Variants in ZBTB41 observed in about 807,000 individuals in gnomAD.
ZBTB41 encodes the protein zinc finger and BTB domain containing 41, also known as zinc finger and BTB domain-containing protein 41.
Under a neutral mutation model 87.6 loss-of-function variants are expected in ZBTB41, and 42 were observed. That is an observed-to-expected ratio of 0.48 (90% confidence interval 0.37 to 0.62). The LOEUF (loss-of-function observed/expected upper bound fraction) is 0.62, where lower values mean the gene tolerates loss of function less well. ZBTB41 is among the 20% of genes least tolerant of loss of function. The pLI, the probability that ZBTB41 is intolerant of heterozygous loss-of-function variation, is 0.00. For missense variants in ZBTB41, 799 were observed against 1,078.9 expected (o/e 0.74, Z 3.63); for synonymous variants, 364 against 364.0 (o/e 1.00, Z 0.00).
intron 9 of ZBTB41, among the ~76,000 whole-genome samples, chr1:197,174,723 T>C (rs948629086): frequency 6.6e-6 from 1 of 152,084 alleles, no homozygotes; most frequent in Non-Finnish European, 1.5e-5. Flanking sequence ...AAGTATAATA[T>C]ATAGGCAGTA....
At chr1:197,180,105 C>A (rs1186097582) in intron 6 of ZBTB41, among the ~76,000 whole-genome samples, 1 of 152,108 alleles carries the variant, frequency 6.6e-6, no homozygotes, top group Non-Finnish European at 1.5e-5. Context: ...CCTACACAAA[C>A]ACATATATTC....
intron 10 of ZBTB41, among the ~76,000 whole-genome samples, chr1:197,168,656 A>G (rs1186817126): frequency 6.6e-6 from 1 of 152,114 alleles, no homozygotes; most frequent in Non-Finnish European, 1.5e-5. Flanking sequence ...GTTAAAATAA[A>G]TCTTCTAGAA....
In ZBTB41 at chr1:197,159,360, C is replaced by A; in HGVS notation, c.2729G>T (p.Ter910LeuextTer22). Residue 910 changes from the stop codon to leucine, a stop_lost, in exon 11 of 11, where the codon TGA (stop) becomes TTA (leucine). Coordinates refer to ENST00000367405, the MANE Select transcript of ZBTB41 (RefSeq NM_194314.3). Reference protein sequence around the residue: ...QNISTNEHHS* With the variant: ...QNISTNEHHSL The stretch of plus-strand genomic sequence containing the variant: ...AATCTGTGGAATGTTTAGATTTACT[C>A]ATGAATGATGCTCATTCGTAGAAAT... The A allele has an allele frequency of 6.2e-7, 1 of 1,612,808 alleles. No individual in the cohort carries two copies. Among genetic ancestry groups the A allele is most frequent in the South Asian group, 1.1e-5 (1 of 91,000 alleles).
chr1:197,196,726 C>G (rs1208001075), intron 2 of ZBTB41, among the ~76,000 whole-genome samples: 4 of 152,144 alleles, frequency 2.6e-5, no homozygotes, highest in African/African-American at 7.2e-5. Context: ...CACTTTCTTG[C>G]CCACCTTCAT....
chr1:197,200,169 T>TA lies in ZBTB41; in HGVS notation c.304_305insT (p.His102LeufsTer2). On this transcript the variant is annotated frameshift_variant, in exon 2 of 11. Coordinates refer to ENST00000367405, the MANE Select transcript of ZBTB41 (RefSeq NM_194314.3). LOFTEE classifies it high-confidence loss of function. The stretch of plus-strand genomic sequence containing the variant: ...ACTGCCGACAGCAACGACTACTTTA[T>TA]GTGCACTAAATTCTTTTCCTTCCAC... The TA allele has an allele frequency of 6.2e-7, 1 of 1,614,012 alleles. No homozygotes were observed. Among genetic ancestry groups the TA allele is most frequent in the Non-Finnish European group, 8.5e-7 (1 of 1,180,028 alleles).
chr1:197,178,474 T>C lies in ZBTB41; in HGVS notation c.1715A>G (p.Glu572Gly). 3 of 1,608,466 alleles carry C rather than the reference T, an allele frequency of 1.9e-6. No individual in the cohort carries two copies. Among genetic ancestry groups the C allele is most frequent in the Non-Finnish European group, 2.5e-6 (3 of 1,177,278 alleles). ...ACAAATACTACAAAGGTGAGGCTTT[T>C]CTCCACTGTGGATTCTCAAATGTTC... The part of the protein sequence containing the change: ...LKEHLRIHSG[E>G]KPHLCSICGQ... The change falls in exon 7 of 11, where the codon GAA becomes GGA. Residue 572 changes from glutamate (E) to glycine (G), a missense_variant. Coordinates refer to ENST00000367405, the MANE Select transcript of ZBTB41 (RefSeq NM_194314.3).
chr1:197,187,549 A>G (rs1659916494), intron 5 of ZBTB41, among the ~76,000 whole-genome samples: 1 of 152,154 alleles, frequency 6.6e-6, no homozygotes, highest in Non-Finnish European at 1.5e-5. Flanking sequence ...TCACTGTTAT[A>G]CTATATTTTA....
chr1:197,175,648 C>G (rs185798573), intron 8 of ZBTB41, among the ~76,000 whole-genome samples: 1 of 151,370 alleles, frequency 6.6e-6, no homozygotes, highest in Admixed American at 6.6e-5. Context: ...AATTTCTCAT[C>G]TCTATTCTTA....
chr1:197,184,560 C>T (rs907069636), intron 5 of ZBTB41, among the ~76,000 whole-genome samples: 2 of 152,044 alleles, frequency 1.3e-5, no homozygotes, highest in African/African-American at 4.8e-5. Flanking sequence ...TGCAATTTTC[C>T]AGATCAATTC....
chr1:197,181,607 T>C (rs907312551), intron 5 of ZBTB41, among the ~76,000 whole-genome samples: 18 of 152,164 alleles, frequency 1.2e-4, no homozygotes, highest in Non-Finnish European at 2.5e-4. Context: ...GACAAGACAG[T>C]GTTCTACTGA....
intron 8 of ZBTB41, 84 bp from the exon 9 acceptor site, chr1:197,175,199 C>T: frequency 9.2e-7 from 1 of 1,092,448 alleles, no homozygotes; most frequent in East Asian, 2.6e-5. Context: ...ACAGTAAGAT[C>T]ACATGATGTC....
At position 197,200,164 on chromosome 1, in the gene ZBTB41, C is replaced by A. The variant is rs1660275803; in HGVS notation, c.310G>T (p.Val104Leu). 1 of 1,613,832 alleles carries A rather than the reference C, an allele frequency of 6.2e-7. No homozygotes were observed. The highest frequency in any genetic ancestry group is 1.7e-5 in the Admixed American group (1 of 60,000). ...VEGKEFSAHKVVVAVGSSYFH... is the reference protein window; with the variant it reads ...VEGKEFSAHKLVVAVGSSYFH... ...TAACTACTGCCGACAGCAACGACTA[C>A]TTTATGTGCACTAAATTCTTTTCCT... Residue 104 changes from valine (V) to leucine (L), a missense_variant, in exon 2 of 11, where the codon GTA becomes TTA. Transcript: ENST00000367405.
At chr1:197,180,402 G>A (rs1344833223) in intron 6 of ZBTB41, among the ~76,000 whole-genome samples, 1 of 152,116 alleles carries the variant, frequency 6.6e-6, no homozygotes, top group Non-Finnish European at 1.5e-5. Context: ...GCGCATGACT[G>A]TACTTGGTTT....
intron 10 of ZBTB41, among the ~76,000 whole-genome samples, chr1:197,167,027 T>C (rs534521747): frequency 2.6e-5 from 4 of 152,296 alleles, no homozygotes; most frequent in Admixed American, 6.5e-5. Context: ...GAGACCAGCA[T>C]AGTTATGATA....
chr1:197,198,349 T>C (rs1356852814), intron 2 of ZBTB41, among the ~76,000 whole-genome samples: 1 of 152,152 alleles, frequency 6.6e-6, no homozygotes, highest in Non-Finnish European at 1.5e-5. Context: ...TAATGCAACA[T>C]CTTTTTACAG....
chr1:197,164,608 G>A (rs977856127), intron 10 of ZBTB41, among the ~76,000 whole-genome samples: 10 of 147,830 alleles, frequency 6.8e-5, no homozygotes, highest in African/African-American at 2.5e-4. Flanking sequence ...CCATAATAAA[G>A]AGCAACATTT....
At chr1:197,184,794 C>CTATTTGTTTATT (rs1553231843) in intron 5 of ZBTB41, among the ~76,000 whole-genome samples, 1 of 147,560 alleles carries the variant, frequency 6.8e-6, no homozygotes, top group East Asian at 2.0e-4. Flanking sequence ...AAGTTTACAA[C>CTATTTGTTTATT]TATTTATTTA....
intron 4 of ZBTB41, among the ~76,000 whole-genome samples, chr1:197,189,475 A>C (rs1659970437): frequency 6.6e-6 from 1 of 151,928 alleles, no homozygotes; most frequent in Non-Finnish European, 1.5e-5. Flanking sequence ...GCAGCGAGCC[A>C]AGATCACACC....
At chr1:197,168,540 T>C (rs773134851) in intron 10 of ZBTB41, among the ~76,000 whole-genome samples, 1 of 152,004 alleles carries the variant, frequency 6.6e-6, no homozygotes, top group Non-Finnish European at 1.5e-5. Flanking sequence ...TTCCAAAAAA[T>C]AGCGCTAAAG....
Sources: gnomAD v4.1 joint callset for allele counts (sites outside exome capture counted in the v4.1 genomes callset) on GRCh38, gnomAD v4.1.1 for gene constraint, MANE v1.5 for transcripts, NCBI Gene and HGNC (gene_info 2026-07-23, HGNC 2026-07-21) for gene names.